PRKG1: variants seen among roughly 807,000 people sequenced by gnomAD.
The protein encoded by PRKG1 is cGMP-dependent protein kinase 1.
A neutral mutation model predicts 88.1 loss-of-function variants in PRKG1; 35 were observed. That is an observed-to-expected ratio of 0.40 (90% confidence interval 0.30 to 0.53). PRKG1 has a LOEUF of 0.53. PRKG1 is among the 20% of genes least tolerant of loss of function. The pLI is 0.59. For missense variants in PRKG1, 540 were observed against 839.8 expected, an observed-to-expected ratio of 0.64 and a Z score of 4.41; for synonymous variants, 303 against 292.5, an observed-to-expected ratio of 1.04 and a Z score of -0.37.
At chr10:51,305,413 T>C (rs1841010845) in intron 2 of PRKG1, among the ~76,000 whole-genome samples, 1 of 152,158 alleles carries the variant, frequency 6.6e-6, no homozygotes, top group African/African-American at 2.4e-5. Flanking sequence ...AGAAAAGCTG[T>C]TGGGGGTGAC....
intron 6 of PRKG1, among the ~76,000 whole-genome samples, chr10:52,055,561 G>T (rs1470415042): frequency 6.6e-6 from 1 of 151,986 alleles, no homozygotes; most frequent in African/African-American, 2.4e-5. Context: ...CTATACTATT[G>T]TATTACTAAA....
intron 3 of PRKG1, among the ~76,000 whole-genome samples, chr10:51,541,158 C>T (rs983127123): frequency 4.6e-5 from 7 of 152,116 alleles, no homozygotes; most frequent in African/African-American, 1.4e-4. Context: ...TGAAGTTGTT[C>T]CACCTCAGAT....
chr10:52,078,940 T>C (rs957744859), intron 7 of PRKG1, among the ~76,000 whole-genome samples: 2 of 152,248 alleles, frequency 1.3e-5, no homozygotes, highest in African/African-American at 4.8e-5. Context: ...GGATCATGGA[T>C]CCTGGGTCTC....
chr10:51,879,836 T>A (rs188095839), intron 4 of PRKG1, among the ~76,000 whole-genome samples: 12 of 152,358 alleles, frequency 7.9e-5, no homozygotes, highest in African/African-American at 2.6e-4. Flanking sequence ...TGAAATCCGA[T>A]TGATGTTACT....
chr10:51,293,393 C>A (rs562536854), intron 2 of PRKG1, among the ~76,000 whole-genome samples: 5 of 152,096 alleles, frequency 3.3e-5, no homozygotes, highest in East Asian at 1.9e-4. Context: ...TTAACCAGCT[C>A]CTGGCAACCA....
intron 2 of PRKG1, among the ~76,000 whole-genome samples, chr10:51,218,131 T>A (rs2132085137): frequency 6.6e-6 from 1 of 152,292 alleles, no homozygotes; most frequent in South Asian, 2.1e-4. Flanking sequence ...GAAAGGCATG[T>A]ATTTTCTAAT....
intron 9 of PRKG1, among the ~76,000 whole-genome samples, chr10:52,172,490 C>T (rs1315955224): frequency 6.6e-6 from 1 of 152,122 alleles, no homozygotes; most frequent in Non-Finnish European, 1.5e-5. Flanking sequence ...GAGAACAGCC[C>T]GATACATGTT....
intron 9 of PRKG1, among the ~76,000 whole-genome samples, chr10:52,251,218 A>G (rs990017055): frequency 1.3e-5 from 2 of 152,126 alleles, no homozygotes; most frequent in Non-Finnish European, 2.9e-5. Context: ...CAAAAAATCT[A>G]AAACAAAACC....
intron 1 of PRKG1, among the ~76,000 whole-genome samples, chr10:51,030,210 T>C (rs1012614588): frequency 1.3e-5 from 2 of 152,088 alleles, no homozygotes; most frequent in Non-Finnish European, 2.9e-5. Context: ...CTGTTTTTTT[T>C]CATAATAAGC....
chr10:51,590,085 C>T (rs190992055), intron 3 of PRKG1, among the ~76,000 whole-genome samples: 157 of 152,246 alleles, frequency 1.0e-3, no homozygotes, highest in African/African-American at 3.4e-3. Flanking sequence ...ACAAGCAGAA[C>T]TTGTCAAAAA....
chr10:51,004,323 C>T (rs773064019), intron 1 of PRKG1, among the ~76,000 whole-genome samples: 10 of 151,958 alleles, frequency 6.6e-5, no homozygotes, highest in Non-Finnish European at 1.2e-4. Context: ...GTTATCCGGA[C>T]GTGGTGGTGC....
At chr10:52,017,468 G>A (rs531623376) in intron 5 of PRKG1, among the ~76,000 whole-genome samples, 7 of 152,080 alleles carry the variant, frequency 4.6e-5, no homozygotes, top group South Asian at 2.1e-4. Flanking sequence ...ATTCTGGGGC[G>A]ATTCCAAGGT....
At chr10:52,099,702 C>A (rs191097756) in intron 7 of PRKG1, among the ~76,000 whole-genome samples, 17 of 152,288 alleles carry the variant, frequency 1.1e-4, no homozygotes, top group Admixed American at 1.0e-3. Flanking sequence ...ATGTTACCAT[C>A]CACAGTGACT....
At chr10:51,784,368 C>T (rs552204797) in intron 3 of PRKG1, among the ~76,000 whole-genome samples, 1 of 152,008 alleles carries the variant, frequency 6.6e-6, no homozygotes, top group African/African-American at 2.4e-5. Context: ...TGTAGCTGTC[C>T]CACTGGATTT....
chr10:51,404,344 G>T (rs961873280), intron 2 of PRKG1, among the ~76,000 whole-genome samples: 1 of 152,218 alleles, frequency 6.6e-6, no homozygotes, highest in Non-Finnish European at 1.5e-5. Context: ...ATTGATAATA[G>T]ATTATGATGA....
chr10:51,518,535 C>T (rs1472026660), intron 3 of PRKG1, among the ~76,000 whole-genome samples: 1 of 152,060 alleles, frequency 6.6e-6, no homozygotes, highest in Non-Finnish European at 1.5e-5. Flanking sequence ...ATAGTTTGCT[C>T]CATTATCTTC....
At chr10:52,186,681 T>C (rs972731029) in intron 9 of PRKG1, among the ~76,000 whole-genome samples, 16 of 152,046 alleles carry the variant, frequency 1.1e-4, no homozygotes, top group African/African-American at 3.9e-4. Flanking sequence ...TCCCAACTCT[T>C]GAGTTATGGC....
intron 2 of PRKG1, among the ~76,000 whole-genome samples, chr10:51,289,167 C>T (rs1217123004): frequency 2.0e-5 from 3 of 152,104 alleles, no homozygotes; most frequent in African/African-American, 7.2e-5. Flanking sequence ...CTAACAAGTC[C>T]ATGAGCAAGT....
intron 2 of PRKG1, among the ~76,000 whole-genome samples, chr10:51,290,431 A>G (rs1031368747): frequency 6.6e-6 from 1 of 152,170 alleles, no homozygotes; most frequent in East Asian, 1.9e-4. Context: ...CCAAAAATAT[A>G]TATCACTATG....
Sources: allele counts gnomAD v4.1 joint callset (sites outside exome capture counted in the v4.1 genomes callset), GRCh38; gene constraint gnomAD v4.1.1; transcripts MANE v1.5; gene names NCBI Gene and HGNC (gene_info 2026-07-23, HGNC 2026-07-21).